Variants in SLC7A14 observed in about 807,000 individuals in gnomAD.
The protein encoded by SLC7A14 is gamma-aminobutyric acid transporter SLC7A14.
Under a neutral mutation model 60.2 loss-of-function variants are expected in SLC7A14, and 37 were observed. The ratio of observed to expected loss-of-function variants is 0.61; its 90% CI spans 0.47 to 0.81. SLC7A14 has a LOEUF of 0.81. Among genes scored for constraint, SLC7A14 ranks in the 30% least tolerant of loss-of-function variants. The pLI is 0.00. For missense variants in SLC7A14, 886 were observed against 982.7 expected (o/e 0.90, Z 1.32); for synonymous variants, 399 against 395.8 (o/e 1.01, Z -0.10).
chr3:170,534,627 G>A (rs983373489), intron 1 of SLC7A14, among the ~76,000 whole-genome samples: 3 of 152,122 alleles, frequency 2.0e-5, no homozygotes, highest in Non-Finnish European at 4.4e-5. Flanking sequence ...TTAAGACTCT[G>A]ATGTGTTCAT....
At chr3:170,518,174 A>T (rs150568755) in intron 2 of SLC7A14, among the ~76,000 whole-genome samples, 23 of 152,154 alleles carry the variant, frequency 1.5e-4, no homozygotes, top group African/African-American at 4.6e-4. Context: ...GTTGATGAAG[A>T]TGGGAAGGAG....
chr3:170,510,164 C>G (rs1452045802), intron 2 of SLC7A14, among the ~76,000 whole-genome samples: 17 of 149,682 alleles, frequency 1.1e-4, no homozygotes, highest in Non-Finnish European at 2.2e-4. Context: ...CTGAGGCAGG[C>G]AGATCACCTG....
Position 170,501,138 on chromosome 3 carries a change from G to T in SLC7A14, c.512C>A (p.Ala171Glu), listed in dbSNP as rs773294473. ...LANHTISRWM[A>E]DSVGTLNGLG... ...GCCATTGAGGGTTCCCACGCTGTCC[G>T]CCATCCAGCGGCTGATGGTGTGGTT... The change falls in exon 3 of 8, where the codon GCG (alanine) becomes GAG (glutamate). Residue 171 changes from alanine (A) to glutamate (E), a missense_variant. Physicochemically the swap from Ala to Glu is moderately radical, Grantham distance 107. Transcript: ENST00000231706. 6.2e-6 allele frequency: 10 copies of T among 1,614,218 alleles called. No individual in the cohort carries two copies. Among genetic ancestry groups the T allele is most frequent in the South Asian group, 1.1e-5 (1 of 91,082 alleles).
chr3:170,493,617 C>G (rs763669534), intron 4 of SLC7A14, among the ~76,000 whole-genome samples: 1 of 152,154 alleles, frequency 6.6e-6, no homozygotes, highest in African/African-American at 2.4e-5. Flanking sequence ...CTTCTGTAGA[C>G]GATTTTTAGG....
In SLC7A14 at chr3:170,540,456, CT is replaced by C. The variant is rs879374882; in HGVS notation, c.-152-13369del. ...TATATTTTTGATTTTTAGTTTGCTT[CT>C]TTTTTTTTTTTCATCTGGCAGGAAA... On this transcript the variant is annotated intron_variant, in intron 1 of 7. Transcript: ENST00000231706. Among the ~76,000 whole-genome samples, 434 of 143,388 alleles carry C rather than the reference CT, an allele frequency of 3.0e-3. 1 individual carries two copies. The highest frequency in any genetic ancestry group is 7.5e-3 in the African/African-American group (294 of 39,448). The allele number at this position is 143,388 out of a possible 152,430, so 94.1% of individuals were successfully genotyped here.
intron 2 of SLC7A14, among the ~76,000 whole-genome samples, chr3:170,511,149 A>G (rs1313809702): frequency 1.3e-5 from 2 of 152,174 alleles, no homozygotes; most frequent in Admixed American, 6.5e-5. Context: ...CACGCTTGTA[A>G]TCCCAGCATT....
intron 7 of SLC7A14, among the ~76,000 whole-genome samples, chr3:170,472,202 AC>A (rs1739929756): frequency 6.8e-6 from 1 of 147,816 alleles, no homozygotes; most frequent in African/African-American, 2.6e-5. Context: ...AACCCCGTCT[AC>A]TAAAAAAAAA....
At chr3:170,540,434 AT>A (rs1282112156) in intron 1 of SLC7A14, among the ~76,000 whole-genome samples, 2 of 151,760 alleles carry the variant, frequency 1.3e-5, no homozygotes, top group Non-Finnish European at 2.9e-5. Flanking sequence ...TAAAAGGTAT[AT>A]TTTTGATTTT....
intron 1 of SLC7A14, among the ~76,000 whole-genome samples, chr3:170,573,515 G>A (rs2108316129): frequency 6.6e-6 from 1 of 152,354 alleles, no homozygotes; most frequent in African/African-American, 2.4e-5. Flanking sequence ...GGAGTTCAAA[G>A]ATTTGGTAAG....
chr3:170,557,795 A>G (rs1714529207), intron 1 of SLC7A14, among the ~76,000 whole-genome samples: 1 of 152,228 alleles, frequency 6.6e-6, no homozygotes, highest in African/African-American at 2.4e-5. Context: ...TGCAGGGTAT[A>G]TAGTAAGCAT....
At chr3:170,470,301 A>G (rs1399188396) in intron 7 of SLC7A14, among the ~76,000 whole-genome samples, 1 of 59,242 alleles carries the variant, frequency 1.7e-5, no homozygotes, top group Non-Finnish European at 4.1e-5. Flanking sequence ...CCAGGCCTGG[A>G]AGGAACATGT....
chr3:170,496,425 G>T (rs1577512935), intron 4 of SLC7A14: 2 of 1,297,222 alleles, frequency 1.5e-6, no homozygotes, highest in East Asian at 4.6e-5. Context: ...GGCTTCCCTG[G>T]AGGCCCCCAT....
intron 1 of SLC7A14, among the ~76,000 whole-genome samples, chr3:170,563,417 G>GTTTT (rs67991294): frequency 9.8e-5 from 11 of 111,900 alleles, no homozygotes; most frequent in Admixed American, 1.1e-4. Context: ...TTGTTTGTTT[G>GTTTT]TTTTTTTTTT....
rs759940693 is a variant in SLC7A14 at position 170,498,683 on chromosome 3, G to A, written c.743C>T (p.Pro248Leu). Residue 248 changes from proline (P) to leucine (L), a missense_variant, in exon 4 of 8, where the codon CCC becomes CTC. By Grantham distance (98) the Pro-to-Leu change is moderately conservative. Coordinates refer to ENST00000231706, the MANE Select transcript of SLC7A14 (RefSeq NM_020949.3). ...CAAACTTACCCCTGACCAGCCGTGG[G>A]GCAAGAACTGGCCCTCCGCCCAGTA... ...GKYWAEGQFL[P>L]HGWSGVLQGA... 7 of 1,614,012 alleles carry A rather than the reference G, an allele frequency of 4.3e-6. No homozygotes were observed. The highest frequency in any genetic ancestry group is 3.3e-5 in the Admixed American group (2 of 60,004).
At chr3:170,556,783 G>T (rs913546937) in intron 1 of SLC7A14, among the ~76,000 whole-genome samples, 1 of 152,148 alleles carries the variant, frequency 6.6e-6, no homozygotes, top group African/African-American at 2.4e-5. Context: ...GAGGAACTAG[G>T]TATTGATTTT....
intron 2 of SLC7A14, among the ~76,000 whole-genome samples, chr3:170,523,910 A>G (rs531790991): frequency 2.6e-5 from 4 of 152,324 alleles, no homozygotes; most frequent in East Asian, 3.9e-4. Context: ...GAAACCTGCT[A>G]TAAATATGCT....
chr3:170,529,308 A>G (rs1483693435), intron 1 of SLC7A14, among the ~76,000 whole-genome samples: 1 of 152,174 alleles, frequency 6.6e-6, no homozygotes, highest in African/African-American at 2.4e-5. Flanking sequence ...TTCTGATTTG[A>G]AACTTTCTTG....
intron 1 of SLC7A14, among the ~76,000 whole-genome samples, chr3:170,584,146 A>G (rs972239750): frequency 8.5e-5 from 13 of 152,246 alleles, no homozygotes; most frequent in African/African-American, 2.9e-4. Context: ...AGAGGTGTTC[A>G]GTACAAATAG....
At chr3:170,479,619 G>C (rs995144032) in intron 7 of SLC7A14, among the ~76,000 whole-genome samples, 21 of 152,190 alleles carry the variant, frequency 1.4e-4, no homozygotes, top group Admixed American at 5.2e-4. Flanking sequence ...GTTATTACCA[G>C]CAGGAGAGAG....
Sources: allele counts gnomAD v4.1 joint callset (sites outside exome capture counted in the v4.1 genomes callset), GRCh38; gene constraint gnomAD v4.1.1; transcripts MANE v1.5; gene names NCBI Gene and HGNC (gene_info 2026-07-23, HGNC 2026-07-21).